The following SAMSN1 variants were observed in gnomAD, a reference collection of about 807,000 sequenced individuals.
SAMSN1 encodes SAM domain-containing protein SAMSN-1.
SAMSN1 carries 31 observed loss-of-function variants against 42.0 expected under a neutral mutation model. That is an observed-to-expected ratio of 0.74 (90% CI 0.55 to 1.00). The LOEUF is 1.00. Among genes scored for constraint, SAMSN1 ranks in the 50% least tolerant of loss-of-function variants. The pLI, the probability that SAMSN1 is intolerant of heterozygous loss-of-function variation, is 0.00. For synonymous variants in SAMSN1, 178 were observed against 151.9 expected (o/e 1.17, Z -1.26); for missense variants, 464 against 439.4 (o/e 1.06, Z -0.50).
chr21:14,493,139 C>G (rs1814565625), intron 7 of SAMSN1, among the ~76,000 whole-genome samples: 1 of 152,180 alleles, frequency 6.6e-6, no homozygotes, highest in South Asian at 2.1e-4. Flanking sequence ...GGCAGGAAGG[C>G]ACAACTGGGG....
intron 2 of SAMSN1, among the ~76,000 whole-genome samples, chr21:14,618,879 A>C (rs928242): frequency 0.81 from 123,600 of 152,196 alleles, 50,299 homozygotes; most frequent in Admixed American, 0.84. Flanking sequence ...AGGCAGTAAT[A>C]ATTCTTCTTA....
chr21:14,531,393 G>A (rs1212188886), intron 1 of SAMSN1, among the ~76,000 whole-genome samples: 1 of 151,330 alleles, frequency 6.6e-6, no homozygotes, highest in Non-Finnish European at 1.5e-5. Flanking sequence ...TATCATCAAA[G>A]GAGTTAAAAA....
At chr21:14,503,501 C>T (rs1222662477) in intron 5 of SAMSN1, among the ~76,000 whole-genome samples, 2 of 152,156 alleles carry the variant, frequency 1.3e-5, no homozygotes, top group African/African-American at 2.4e-5. Flanking sequence ...TTATGACCTA[C>T]AGAAACTGTG....
intron 2 of SAMSN1, among the ~76,000 whole-genome samples, chr21:14,631,942 G>A (rs1278321399): frequency 1.3e-5 from 2 of 151,774 alleles, no homozygotes; most frequent in East Asian, 1.9e-4. Context: ...AAGAGAAGTA[G>A]GAAGAAGGAA....
chr21:14,607,163 T>A (rs1276253206), intron 5 of SAMSN1, among the ~76,000 whole-genome samples: 1 of 152,182 alleles, frequency 6.6e-6, no homozygotes, highest in Non-Finnish European at 1.5e-5. Flanking sequence ...GGGTTGTGGA[T>A]GACAGCAATG....
chr21:14,560,140 G>A (rs1159432377), intron 2 of SAMSN1, among the ~76,000 whole-genome samples: 2 of 152,092 alleles, frequency 1.3e-5, no homozygotes, highest in Non-Finnish European at 2.9e-5. Context: ...AGCATAGAGG[G>A]TAAATTGTTA....
intron 5 of SAMSN1, among the ~76,000 whole-genome samples, chr21:14,509,915 G>GATCCGCC (rs1987604128): frequency 6.6e-6 from 1 of 152,122 alleles, no homozygotes; most frequent in Non-Finnish European, 1.5e-5. Context: ...CGAGGCGGGC[G>GATCCGCC]GATCACGAGG....
At chr21:14,595,583 G>A (rs779415673) in intron 6 of SAMSN1, among the ~76,000 whole-genome samples, 2 of 152,104 alleles carry the variant, frequency 1.3e-5, no homozygotes, top group Non-Finnish European at 2.9e-5. Context: ...TCTTGAGGGA[G>A]TATGCTCCTT....
intron 7 of SAMSN1, among the ~76,000 whole-genome samples, chr21:14,588,908 T>C (rs1283093683): frequency 1.3e-5 from 2 of 152,224 alleles, no homozygotes; most frequent in Non-Finnish European, 2.9e-5. Context: ...CTTTGAAAGA[T>C]ATAAATTTCC....
At chr21:14,558,587 A>T (rs1370499231) in intron 2 of SAMSN1, among the ~76,000 whole-genome samples, 1 of 151,990 alleles carries the variant, frequency 6.6e-6, no homozygotes, top group Non-Finnish European at 1.5e-5. Context: ...AGGCTGAAGC[A>T]GGAGAATTGT....
intron 6 of SAMSN1, among the ~76,000 whole-genome samples, chr21:14,595,337 C>G (rs1982227232): frequency 6.6e-6 from 1 of 152,036 alleles, no homozygotes; most frequent in Non-Finnish European, 1.5e-5. Context: ...AGGGGAGCTG[C>G]CTTGCTCCCT....
At chr21:14,559,116 G>A (rs1421796351) in intron 2 of SAMSN1, among the ~76,000 whole-genome samples, 1 of 152,170 alleles carries the variant, frequency 6.6e-6, no homozygotes, top group Non-Finnish European at 1.5e-5. Flanking sequence ...TGTTTGTGCA[G>A]ATAGTGTGTT....
upstream of SAMSN1, chr21:14,546,497 AT>A: frequency 2.2e-6 from 1 of 464,838 alleles, no homozygotes; most frequent in Non-Finnish European, 3.5e-6. Flanking sequence ...TATGTTCCAA[AT>A]CTCATATTTA....
At position 14,512,527 on chromosome 21, in the gene SAMSN1, G is replaced by C. The variant is rs571178965; in HGVS notation, c.326C>G (p.Pro109Arg). The C allele has an allele frequency of 4.3e-6, 7 of 1,613,894 alleles. No homozygotes were observed. The African/African-American group carries it at 9.3e-5, about 22-fold the overall frequency. Residue 109 changes from proline to arginine, a missense_variant, in exon 4 of 8, where the codon CCT (proline) becomes CGT (arginine). Physicochemically the swap from Pro to Arg is moderately radical, Grantham distance 103 (BLOSUM62 -2). Coordinates refer to ENST00000400566, the MANE Select transcript of SAMSN1 (RefSeq NM_022136.5). The part of the protein sequence containing the change: ...ENAHPYRNSD[P>R]VIGTHTEKVS... ...CTTCTCTGTGTGGGTCCCAATCACA[G>C]GGTCACTGTTTCTATATGGGTGGGC...
chr21:14,534,623 C>T (rs1053291506), intron 1 of SAMSN1, among the ~76,000 whole-genome samples: 1 of 151,820 alleles, frequency 6.6e-6, no homozygotes, highest in Non-Finnish European at 1.5e-5. Context: ...TCACGCCATT[C>T]TCCTGCCTCA....
intron 5 of SAMSN1, among the ~76,000 whole-genome samples, chr21:14,503,826 A>G (rs557159953): frequency 1.3e-5 from 2 of 152,262 alleles, no homozygotes; most frequent in Admixed American, 1.3e-4. Flanking sequence ...GGACTCACAG[A>G]TCCCCTGAAG....
intron 1 of SAMSN1, among the ~76,000 whole-genome samples, chr21:14,525,858 C>T (rs553888669): frequency 8.5e-5 from 13 of 152,108 alleles, no homozygotes; most frequent in African/African-American, 2.4e-4. Flanking sequence ...GGTCTCATAA[C>T]TTTATTTATT....
chr21:14,539,651 A>G (rs1478790575), intron 1 of SAMSN1, among the ~76,000 whole-genome samples: 2 of 152,058 alleles, frequency 1.3e-5, no homozygotes, highest in Non-Finnish European at 2.9e-5. Flanking sequence ...AGAAGATACA[A>G]ACAAATGGAA....
At chr21:14,548,702 T>C (rs1980506803), upstream of SAMSN1, among the ~76,000 whole-genome samples, 1 of 152,116 alleles carries the variant, frequency 6.6e-6, no homozygotes, top group Non-Finnish European at 1.5e-5. Flanking sequence ...TCTAACTATG[T>C]TAAACTTCTT....
Sources: gnomAD v4.1 joint callset for allele counts (sites outside exome capture counted in the v4.1 genomes callset) on GRCh38, gnomAD v4.1.1 for gene constraint, MANE v1.5 for transcripts, NCBI Gene and HGNC (gene_info 2026-07-23, HGNC 2026-07-21) for gene names.